Variants in NCKAP5 observed in about 807,000 individuals in gnomAD.
The protein encoded by NCKAP5 is NCK associated protein 5.
A neutral mutation model predicts 167.0 loss-of-function variants in NCKAP5; 92 were observed. The observed-to-expected ratio is 0.55, with a 90% CI of 0.47 to 0.66. The LOEUF is 0.66. NCKAP5 is among the 30% of genes least tolerant of loss of function. The pLI, the probability that NCKAP5 is intolerant of heterozygous loss-of-function variation, is 0.00. For synonymous variants in NCKAP5, 891 were observed against 877.4 expected, an observed-to-expected ratio of 1.02 and a Z score of -0.27; for missense variants, 2,378 against 2,315.0, an observed-to-expected ratio of 1.03 and a Z score of -0.56.
chr2:132,936,473 T>C (rs905884954), intron 8 of NCKAP5, among the ~76,000 whole-genome samples: 9 of 152,192 alleles, frequency 5.9e-5, no homozygotes, highest in African/African-American at 2.2e-4. Context: ...CACACCCCCA[T>C]AATAAAGGTT....
At chr2:133,384,955 A>G (rs1472320814) in intron 3 of NCKAP5, among the ~76,000 whole-genome samples, 5 of 152,184 alleles carry the variant, frequency 3.3e-5, no homozygotes, top group African/African-American at 1.2e-4. Context: ...GGCTAAGTCG[A>G]TGGGGTTTTC....
At chr2:132,824,666 T>C (rs577166392) in intron 11 of NCKAP5, among the ~76,000 whole-genome samples, 2 of 152,318 alleles carry the variant, frequency 1.3e-5, no homozygotes, top group South Asian at 4.1e-4. Flanking sequence ...TCCTGACCCC[T>C]CTGTGGTTGG....
intron 3 of NCKAP5, among the ~76,000 whole-genome samples, chr2:133,456,883 A>G (rs141759254): frequency 6.6e-6 from 1 of 152,294 alleles, no homozygotes; most frequent in African/African-American, 2.4e-5. Context: ...CTCAGCAACT[A>G]CATAGCTGCT....
intron 4 of NCKAP5, among the ~76,000 whole-genome samples, chr2:133,253,657 T>G (rs965534886): frequency 2.0e-5 from 3 of 152,182 alleles, no homozygotes; most frequent in African/African-American, 7.2e-5. Flanking sequence ...TTTTTCAAGC[T>G]AGGTGACATT....
At chr2:132,869,551 C>A (rs1283277105) in intron 9 of NCKAP5, among the ~76,000 whole-genome samples, 3 of 152,140 alleles carry the variant, frequency 2.0e-5, no homozygotes, top group Non-Finnish European at 4.4e-5. Flanking sequence ...ACTACAACAT[C>A]CATTTTTTCC....
intron 6 of NCKAP5, among the ~76,000 whole-genome samples, chr2:133,124,518 C>A (rs1162140137): frequency 6.6e-6 from 1 of 152,174 alleles, no homozygotes; most frequent in Non-Finnish European, 1.5e-5. Flanking sequence ...ACTATGCAAT[C>A]ATTAATTTCA....
the NCKAP5 span, among the ~76,000 whole-genome samples, chr2:133,603,244 A>G: frequency 3.2e-5 from 3 of 94,202 alleles, no homozygotes; most frequent in Non-Finnish European, 5.4e-5. Context: ...TTTTTTTTTT[A>G]AGACAGAGTT....
intron 11 of NCKAP5, among the ~76,000 whole-genome samples, chr2:132,849,954 G>A (rs1023531646): frequency 6.6e-6 from 1 of 152,128 alleles, no homozygotes; most frequent in Admixed American, 6.6e-5. Flanking sequence ...TGATAATCAG[G>A]ACTCCTGGAA....
intron 7 of NCKAP5, among the ~76,000 whole-genome samples, chr2:132,983,548 A>T (rs2149274635): frequency 6.6e-6 from 1 of 152,318 alleles, no homozygotes; most frequent in African/African-American, 2.4e-5. Flanking sequence ...CTTTTCCTGC[A>T]TCTATTGAGA....
intron 6 of NCKAP5, among the ~76,000 whole-genome samples, chr2:133,096,777 C>T (rs750267762): frequency 6.1e-4 from 93 of 152,054 alleles, no homozygotes; most frequent in Non-Finnish European, 1.2e-3. Context: ...CATACAAGTT[C>T]AAAGGTACTA....
At chr2:133,236,303 C>T (rs1340531499) in intron 4 of NCKAP5, among the ~76,000 whole-genome samples, 2 of 151,992 alleles carry the variant, frequency 1.3e-5, no homozygotes, top group Non-Finnish European at 2.9e-5. Flanking sequence ...GGAATCTAAC[C>T]CTGTATTTTC....
chr2:133,311,184 C>T (rs1442790812), intron 3 of NCKAP5, among the ~76,000 whole-genome samples: 1 of 152,172 alleles, frequency 6.6e-6, no homozygotes, highest in Non-Finnish European at 1.5e-5. Flanking sequence ...TAATTCTGAT[C>T]AGCCAGCTAT....
At chr2:133,572,971 G>T (rs1411383226), upstream of NCKAP5, among the ~76,000 whole-genome samples, 1 of 152,150 alleles carries the variant, frequency 6.6e-6, no homozygotes, top group Non-Finnish European at 1.5e-5. Context: ...ATGTAGTTTT[G>T]TCCAGGTTCT....
intron 3 of NCKAP5, among the ~76,000 whole-genome samples, chr2:133,491,859 G>A (rs1681477332): frequency 6.6e-6 from 1 of 152,194 alleles, no homozygotes; most frequent in African/African-American, 2.4e-5. Flanking sequence ...CCACATATAG[G>A]TCTGTAATTT....
At chr2:133,207,401 T>A in intron 5 of NCKAP5, among the ~76,000 whole-genome samples, 1 of 152,290 alleles carries the variant, frequency 6.6e-6, no homozygotes, top group East Asian at 1.9e-4. Context: ...TCAATTATAT[T>A]AATGATTTTT....
At chr2:133,513,718 G>C (rs1683702984) in intron 3 of NCKAP5, among the ~76,000 whole-genome samples, 3 of 152,200 alleles carry the variant, frequency 2.0e-5, no homozygotes, top group Non-Finnish European at 4.4e-5. Context: ...TGTCGGAACT[G>C]AGGATTTAGT....
chr2:133,567,665 G>C (rs1688654192), intron 1 of NCKAP5, among the ~76,000 whole-genome samples: 2 of 96,430 alleles, frequency 2.1e-5, no homozygotes, highest in South Asian at 3.0e-4. Context: ...GCCTGTGTGT[G>C]TGTGTGTGTG....
Position 133,502,862 on chromosome 2 carries a change from T to C in NCKAP5, c.69+14596A>G, listed in dbSNP as rs1682651865. Among the ~76,000 whole-genome samples the C allele has an allele frequency of 2.0e-5, 3 of 152,222 alleles. No individual in the cohort carries two copies. In the South Asian group the frequency reaches 6.2e-4, roughly 32 times the overall value. ...ATGAATGAATGAATGAGTGGCAAGCTTCCAAGTGTGCCTGGGGAGTGAGGT... is the reference window on the plus strand; with the variant it reads ...ATGAATGAATGAATGAGTGGCAAGCCTCCAAGTGTGCCTGGGGAGTGAGGT... On this transcript the variant is annotated intron_variant, in intron 3 of 19. Coordinates refer to ENST00000409261, the MANE Select transcript of NCKAP5 (RefSeq NM_207363.3).
At chr2:133,347,213 T>C (rs1684037648) in intron 3 of NCKAP5, among the ~76,000 whole-genome samples, 1 of 152,198 alleles carries the variant, frequency 6.6e-6, no homozygotes, top group Non-Finnish European at 1.5e-5. Context: ...CTTTCTACTA[T>C]AAGGTCATAA....
Sources: gnomAD v4.1 joint callset for allele counts (sites outside exome capture counted in the v4.1 genomes callset) on GRCh38, gnomAD v4.1.1 for gene constraint, MANE v1.5 for transcripts, NCBI Gene and HGNC (gene_info 2026-07-23, HGNC 2026-07-21) for gene names.